C11orf97: variants seen among roughly 807,000 people sequenced by gnomAD.
C11orf97 encodes chromosome 11 open reading frame 97, also known as uncharacterized protein C11orf97.
In C11orf97, 15 loss-of-function variants were observed where a neutral mutation model predicts 16.2. The ratio of observed to expected loss-of-function variants is 0.93; its 90% CI spans 0.62 to 1.43. The LOEUF is 1.43. C11orf97 is among the 40% of genes most tolerant of loss of function. C11orf97 has a pLI of 0.00. For synonymous variants in C11orf97, 61 were observed against 65.7 expected, an observed-to-expected ratio of 0.93 and a Z score of 0.34; for missense variants, 171 against 161.2, an observed-to-expected ratio of 1.06 and a Z score of -0.33.
At chr11:94,529,176 A>G (rs529425493) in intron 3 of C11orf97, among the ~76,000 whole-genome samples, 4 of 152,306 alleles carry the variant, frequency 2.6e-5, no homozygotes, top group South Asian at 2.1e-4. Flanking sequence ...GCTTTCAACC[A>G]CTAGACACTA....
At chr11:94,529,284 A>G (rs1312003871) in intron 3 of C11orf97, among the ~76,000 whole-genome samples, 1 of 152,146 alleles carries the variant, frequency 6.6e-6, no homozygotes, top group Non-Finnish European at 1.5e-5. Flanking sequence ...TAGGGTCCCC[A>G]GGGGGCCAGG....
At chr11:94,512,840 C>A (rs1947580648) in intron 1 of C11orf97, among the ~76,000 whole-genome samples, 167 bp downstream of exon 1, 1 of 152,138 alleles carries the variant, frequency 6.6e-6, no homozygotes, top group Non-Finnish European at 1.5e-5. Flanking sequence ...TGGCAGAAAG[C>A]ATAGGTCCAT....
At chr11:94,525,984 G>T (rs1947697609) in intron 2 of C11orf97, among the ~76,000 whole-genome samples, 1 of 152,180 alleles carries the variant, frequency 6.6e-6, no homozygotes, top group Non-Finnish European at 1.5e-5. Context: ...GAAGAGAGAA[G>T]AGGAATCTCT....
intron 1 of C11orf97, among the ~76,000 whole-genome samples, chr11:94,515,725 C>G (rs1947606779): frequency 6.6e-6 from 1 of 151,128 alleles, no homozygotes; most frequent in African/African-American, 2.4e-5. Flanking sequence ...CTTTTTCTGC[C>G]TGAAAGTTCT....
chr11:94,512,462 T>C lies in C11orf97; in HGVS notation c.-67T>C, dbSNP rs1947576228. The C allele has an allele frequency of 3.2e-6, 4 of 1,247,822 alleles. No homozygotes were observed. Among genetic ancestry groups the C allele is most frequent in the South Asian group, 3.2e-5 (1 of 30,956 alleles). The allele number at this position is 1,247,822 out of a possible 1,614,324, so 77.3% of individuals were successfully genotyped here. ...CTATGGCAACCCGAGACGCCTCGCA[T>C]GCTGGGCTGCCTGCGACTGAGCTGA... On this transcript the variant is annotated 5_prime_UTR_variant, in exon 1 of 4. It removes an upstream start codon present in the reference 5' UTR. Coordinates refer to ENST00000542198, the MANE Select transcript of C11orf97 (RefSeq NM_001190462.2).
chr11:94,516,072 A>T (rs1947609610), intron 1 of C11orf97, among the ~76,000 whole-genome samples: 1 of 152,174 alleles, frequency 6.6e-6, no homozygotes, highest in Non-Finnish European at 1.5e-5. Flanking sequence ...AACTTTGGGG[A>T]AACAAGAATG....
chr11:94,525,209 G>A (rs11020810), intron 2 of C11orf97, among the ~76,000 whole-genome samples: 12,773 of 152,240 alleles, frequency 0.084, 662 homozygotes, highest in South Asian at 0.19. Flanking sequence ...ATAAAGTGAT[G>A]TATTAATTTA....
At chr11:94,514,467 T>G (rs1385811048) in intron 1 of C11orf97, among the ~76,000 whole-genome samples, 1 of 152,190 alleles carries the variant, frequency 6.6e-6, no homozygotes, top group Admixed American at 6.5e-5. Flanking sequence ...GGAAAAGTCT[T>G]CAGTCTCTTT....
At chr11:94,531,124 A>C (rs1390302150) in intron 3 of C11orf97, among the ~76,000 whole-genome samples, 1 of 152,198 alleles carries the variant, frequency 6.6e-6, no homozygotes, top group African/African-American at 2.4e-5. Context: ...TTTCCATTAG[A>C]GACTGTGAAG....
chr11:94,524,799 C>G (rs1947686747), intron 2 of C11orf97, among the ~76,000 whole-genome samples: 1 of 152,082 alleles, frequency 6.6e-6, no homozygotes, highest in Non-Finnish European at 1.5e-5. Context: ...TAGCTCATGC[C>G]TGTAATCCCA....
intron 2 of C11orf97, among the ~76,000 whole-genome samples, chr11:94,527,413 G>T (rs1947708522): frequency 6.6e-6 from 1 of 152,218 alleles, no homozygotes; most frequent in Non-Finnish European, 1.5e-5. Context: ...ATGCTTGTTT[G>T]CTGAGTCTCA....
intron 3 of C11orf97, among the ~76,000 whole-genome samples, chr11:94,530,391 A>G (rs1427318383): frequency 1.3e-5 from 2 of 152,226 alleles, no homozygotes; most frequent in African/African-American, 4.8e-5. Context: ...ACAATTGATC[A>G]ATCTATATGT....
At position 94,517,466 on chromosome 11, in the gene C11orf97, G is replaced by A. The variant is rs139607967; in HGVS notation, c.146-117G>A. 2,128 of 517,824 alleles carry A rather than the reference G, an allele frequency of 4.1e-3. 13 individuals carry two copies. The highest frequency in any genetic ancestry group is 0.011 in the Middle Eastern group (22 of 1,972). The allele number at this position is 517,824 out of a possible 1,614,324, so 32.1% of individuals were successfully genotyped here. On this transcript the variant is annotated intron_variant, in intron 1 of 3. Transcript: ENST00000542198. Reference sequence around the variant, plus strand: ...ATAGAGCCTTCAGGGCAAATTGTCTGATATTTGTATGGAATAACATGTCTT... The same window carrying A: ...ATAGAGCCTTCAGGGCAAATTGTCTAATATTTGTATGGAATAACATGTCTT...
In C11orf97 at chr11:94,512,671, A is replaced by G. The variant is rs1489711346; in HGVS notation, c.143A>G (p.Gln48Arg). 53 of 1,240,754 alleles carry G rather than the reference A, an allele frequency of 4.3e-5. No individual in the cohort carries two copies. The highest frequency in any genetic ancestry group is 4.9e-5 in the Non-Finnish European group (49 of 992,058). The allele number at this position is 1,240,754 out of a possible 1,614,324, so 76.9% of individuals were successfully genotyped here. ...PGRGPLEHGQ[Q>R]WKKFLYCEPH... The stretch of plus-strand genomic sequence containing the variant: ...CGCGGCCCCCTAGAGCACGGCCAGC[A>G]GTGTGAGTTCAGCTCCAGCCGCGGA... The change falls in exon 1 of 4, where the codon CAG becomes CGG. Residue 48 changes from glutamine to arginine, a missense_variant and splice_region_variant. By Grantham distance (43) the Gln-to-Arg change is conservative. Coordinates refer to ENST00000542198, the MANE Select transcript of C11orf97 (RefSeq NM_001190462.2).
intron 3 of C11orf97, among the ~76,000 whole-genome samples, chr11:94,530,187 G>A (rs973685072): frequency 2.6e-5 from 4 of 152,080 alleles, no homozygotes; most frequent in Admixed American, 2.0e-4. Context: ...CATGGCTCCC[G>A]CTCATTTGTA....
At chr11:94,513,652 T>C (rs1263199807) in intron 1 of C11orf97, among the ~76,000 whole-genome samples, 1 of 152,216 alleles carries the variant, frequency 6.6e-6, no homozygotes, top group African/African-American at 2.4e-5. Context: ...ACAGAACTAC[T>C]GCCTCCTGGT....
chr11:94,515,083 G>C (rs1947601429), intron 1 of C11orf97, among the ~76,000 whole-genome samples: 1 of 152,090 alleles, frequency 6.6e-6, no homozygotes, highest in South Asian at 2.1e-4. Flanking sequence ...ATCTATAACT[G>C]TGCGTTGTAA....
At position 94,517,773 on chromosome 11, in the gene C11orf97, A is replaced by G. The variant is rs192548420; in HGVS notation, c.250+86A>G. On this transcript the variant is annotated intron_variant, in intron 2 of 3. Coordinates refer to ENST00000542198, the MANE Select transcript of C11orf97 (RefSeq NM_001190462.2). ...ACAGAGTATTTTATTATAAAACCAT[A>G]CTATTGAAATAAAAAGTTTTTGGAA... 4.3e-5 allele frequency: 39 copies of G among 899,284 alleles called. No individual in the cohort carries two copies. The East Asian group carries it at 1.0e-3, about 23-fold the overall frequency. 55.7% of individuals were successfully genotyped at this position (899,284 alleles called of 1,614,324 possible). A position where few individuals can be genotyped will look rare whatever the true frequency, so the allele number is the denominator to read the frequency against.
intron 2 of C11orf97, among the ~76,000 whole-genome samples, chr11:94,526,282 A>C (rs1292617484): frequency 1.3e-5 from 2 of 152,030 alleles, no homozygotes; most frequent in Non-Finnish European, 2.9e-5. Context: ...CCCAAACATC[A>C]CTTCACATGT....
Sources: allele counts gnomAD v4.1 joint callset (sites outside exome capture counted in the v4.1 genomes callset), GRCh38; gene constraint gnomAD v4.1.1; transcripts MANE v1.5; gene names NCBI Gene and HGNC (gene_info 2026-07-23, HGNC 2026-07-21).